Variants in ELF1 observed in about 807,000 individuals in gnomAD.
ELF1 encodes E74 like ETS transcription factor 1.
ELF1 carries 24 observed loss-of-function variants against 59.9 expected under a neutral mutation model. The ratio of observed to expected loss-of-function variants is 0.40; its 90% CI spans 0.29 to 0.56. The LOEUF (loss-of-function observed/expected upper bound fraction) is 0.56. ELF1 is among the 20% of genes least tolerant of loss of function. The pLI is 0.44. For synonymous variants in ELF1, 248 were observed against 266.2 expected, an observed-to-expected ratio of 0.93 and a Z score of 0.67; for missense variants, 627 against 742.2, an observed-to-expected ratio of 0.84 and a Z score of 1.80.
At chr13:41,056,656 G>A (rs1469548584) in intron 1 of ELF1, among the ~76,000 whole-genome samples, 2 of 152,234 alleles carry the variant, frequency 1.3e-5, no homozygotes, top group South Asian at 2.1e-4. Flanking sequence ...GAACAAGAAC[G>A]ATCTCATATG....
chr13:40,979,697 G>A (rs767824393), intron 2 of ELF1, among the ~76,000 whole-genome samples: 26 of 152,268 alleles, frequency 1.7e-4, no homozygotes, highest in Non-Finnish European at 3.1e-4. Context: ...AAAAGATTTA[G>A]CATAACTTCA....
Position 40,933,967 on chromosome 13 carries a change from T to TATG in ELF1, c.1315_1317dup (p.His439dup). On this transcript the variant is annotated inframe_insertion, in exon 9 of 9. Coordinates refer to ENST00000239882, the MANE Select transcript of ELF1 (RefSeq NM_172373.4). ...AGTGGCACTGTTTGGAGTGTTACTG[T>TATG]ATGCAACTGCTGATTCCTAGGAGAC... The TATG allele has an allele frequency of 6.2e-7, 1 of 1,614,256 alleles. No homozygotes were observed. The highest frequency in any genetic ancestry group is 8.5e-7 in the Non-Finnish European group (1 of 1,180,040).
chr13:41,000,525 C>A (rs1006084260), intron 1 of ELF1, among the ~76,000 whole-genome samples: 6 of 151,888 alleles, frequency 4.0e-5, no homozygotes, highest in Non-Finnish European at 8.8e-5. Context: ...TGGGCCGAAC[C>A]TGGGTCTTTA....
chr13:40,944,020 G>A (rs1038287523), intron 5 of ELF1, 95 bp from the exon 6 acceptor site: 26 of 1,209,582 alleles, frequency 2.1e-5, no homozygotes, highest in Non-Finnish European at 3.1e-5. Flanking sequence ...AATTTCAAGT[G>A]CCAAATGTTT....
intron 3 of ELF1, among the ~76,000 whole-genome samples, chr13:40,953,878 A>C (rs1871025645): frequency 6.6e-6 from 1 of 152,166 alleles, no homozygotes; most frequent in Non-Finnish European, 1.5e-5. Context: ...AAAAACACAA[A>C]CAGAGAATCT....
At chr13:40,942,012 GT>G (rs1399990378) in intron 7 of ELF1, among the ~76,000 whole-genome samples, 1 of 152,012 alleles carries the variant, frequency 6.6e-6, no homozygotes, top group Non-Finnish European at 1.5e-5. Flanking sequence ...TCAAGAAATT[GT>G]TTCTCCTCCA....
At chr13:41,017,367 C>A (rs909640569) in intron 1 of ELF1, among the ~76,000 whole-genome samples, 1 of 152,124 alleles carries the variant, frequency 6.6e-6, no homozygotes, top group Non-Finnish European at 1.5e-5. Flanking sequence ...TCAAGCAAAT[C>A]ACAGGACCTC....
chr13:41,056,079 A>G (rs1002058935), intron 1 of ELF1, among the ~76,000 whole-genome samples: 2 of 152,216 alleles, frequency 1.3e-5, no homozygotes, highest in African/African-American at 2.4e-5. Context: ...TAGTGCATTT[A>G]TAGAGTTATA....
At chr13:40,947,726 TAAA>T (rs1465997092) in intron 5 of ELF1, among the ~76,000 whole-genome samples, 1 of 152,166 alleles carries the variant, frequency 6.6e-6, no homozygotes, top group Non-Finnish European at 1.5e-5. Context: ...TTTCCTCAGA[TAAA>T]GCCCCGTTGA....
chr13:40,994,988 C>T (rs1887056610), intron 1 of ELF1, among the ~76,000 whole-genome samples: 1 of 152,058 alleles, frequency 6.6e-6, no homozygotes, highest in Admixed American at 6.5e-5. Context: ...TTCAAAGTTC[C>T]CCAGGAGATT....
chr13:41,022,553 T>C (rs1875727611), upstream of ELF1, among the ~76,000 whole-genome samples: 1 of 152,182 alleles, frequency 6.6e-6, no homozygotes, highest in Non-Finnish European at 1.5e-5. Context: ...TTGTACTGCA[T>C]ATAAACCATA....
At chr13:41,060,567 G>C (rs1004553022) in intron 1 of ELF1, among the ~76,000 whole-genome samples, 1 of 152,130 alleles carries the variant, frequency 6.6e-6, no homozygotes, top group Non-Finnish European at 1.5e-5. Flanking sequence ...GGCACGGCGT[G>C]GCACTCGAGG....
intron 2 of ELF1, among the ~76,000 whole-genome samples, chr13:40,972,426 C>T (rs1872612512): frequency 6.6e-6 from 1 of 152,162 alleles, no homozygotes; most frequent in Non-Finnish European, 1.5e-5. Context: ...GACAGCCATT[C>T]TGGATTATCA....
Position 40,951,334 on chromosome 13 carries a change from C to T in ELF1, c.356G>A (p.Arg119Gln), listed in dbSNP as rs373684517. 57 of 1,608,914 alleles carry T rather than the reference C, an allele frequency of 3.5e-5. No individual in the cohort carries two copies. The highest frequency in any genetic ancestry group is 3.0e-4 in the South Asian group (27 of 90,416). ...AAACAATCATAATCACTCACTTATT[C>T]GTTTTTCATCCAGCATAGGGCCAGG... Reference protein sequence around the residue: ...DSPGPMLDEKRINNNIFSSPE... With the variant: ...DSPGPMLDEKQINNNIFSSPE... Residue 119 changes from arginine to glutamine, a missense_variant, in exon 4 of 9, where the codon CGA becomes CAA. Physicochemically the swap from Arg to Gln is conservative, Grantham distance 43. Around this residue, in one of 3 missense-constraint regions of ELF1, gnomAD observed 232 missense variants for 269.2 expected, o/e 0.86. Transcript: ENST00000239882.
intron 1 of ELF1, among the ~76,000 whole-genome samples, chr13:41,049,788 C>T (rs1877007409): frequency 6.6e-6 from 1 of 152,202 alleles, no homozygotes; most frequent in Admixed American, 6.5e-5. Flanking sequence ...GGTCTCCCTG[C>T]CATGCGTGTA....
At position 40,933,743 on chromosome 13, in the gene ELF1, G is replaced by A. The variant is rs1417811621; in HGVS notation, c.1542C>T (p.Thr514=). Residue 514 remains threonine, a synonymous_variant, in exon 9 of 9, where the codon ACC becomes ACT. Transcript: ENST00000239882. ...CCACACTGACGGTTCCATTGCAAAT[G>A]GTCTGAACATTGCTAGTAAGGACCT... ...VQQVLTSNVQ[T]ICNGTVSVAS... is the part of the protein sequence containing the mutation. The A allele has an allele frequency of 1.9e-6, 3 of 1,614,156 alleles. No individual in the cohort carries two copies. Among genetic ancestry groups the A allele is most frequent in the Non-Finnish European group, 1.7e-6 (2 of 1,180,056 alleles).
At chr13:41,032,860 A>C (rs2138409682) in intron 1 of ELF1, among the ~76,000 whole-genome samples, 1 of 150,942 alleles carries the variant, frequency 6.6e-6, no homozygotes, top group East Asian at 2.0e-4. Context: ...AAAAAAAAAA[A>C]AAAAACAAAC....
chr13:40,994,773 A>T (rs1026197407), intron 1 of ELF1, among the ~76,000 whole-genome samples: 3 of 152,208 alleles, frequency 2.0e-5, no homozygotes, highest in African/African-American at 7.2e-5. Flanking sequence ...AGTTAAAAAA[A>T]TTTCTCTCTC....
intron 2 of ELF1, among the ~76,000 whole-genome samples, chr13:40,974,644 C>G (rs1872792540): frequency 6.6e-6 from 1 of 152,104 alleles, no homozygotes; most frequent in South Asian, 2.1e-4. Context: ...CATGTTCTAC[C>G]CTATACAATG....
Sources: gnomAD v4.1 joint callset for allele counts (sites outside exome capture counted in the v4.1 genomes callset) on GRCh38, gnomAD v4.1.1 for gene constraint, gnomAD v4.1.1 regional missense constraint, MANE v1.5 for transcripts, NCBI Gene and HGNC (gene_info 2026-07-23, HGNC 2026-07-21) for gene names.